The following ATXN1 variants were observed in gnomAD, a reference collection of about 807,000 sequenced individuals.
The protein encoded by ATXN1 is ataxin 1.
A neutral mutation model predicts 56.4 loss-of-function variants in ATXN1; 8 were observed. That is an observed-to-expected ratio of 0.14 (90% CI 0.08 to 0.26). ATXN1 has a LOEUF of 0.26. Ranked by LOEUF, ATXN1 falls within the 10% of genes least tolerant of loss-of-function variation. The probability of loss-of-function intolerance (pLI) is 1.00; values close to 1 mark genes in which losing one functional copy is unlikely to be tolerated. For synonymous variants in ATXN1, 514 were observed against 494.6 expected (o/e 1.04, Z -0.52); for missense variants, 987 against 1,106.5 (o/e 0.89, Z 1.53).
chr6:16,572,720 C>T (rs187407783), intron 4 of ATXN1, among the ~76,000 whole-genome samples: 2 of 152,302 alleles, frequency 1.3e-5, no homozygotes, highest in Admixed American at 1.3e-4. Context: ...AGGGTGTGCT[C>T]ACTAGGTGAT....
intron 3 of ATXN1, among the ~76,000 whole-genome samples, chr6:16,635,823 G>A (rs1000429806): frequency 4.6e-5 from 7 of 152,116 alleles, no homozygotes; most frequent in Non-Finnish European, 1.0e-4. Flanking sequence ...AGCAGGTGTG[G>A]GCTGGGGAGG....
chr6:16,716,005 C>T (rs1017393804), intron 2 of ATXN1, among the ~76,000 whole-genome samples: 1 of 152,204 alleles, frequency 6.6e-6, no homozygotes, highest in African/African-American at 2.4e-5. Context: ...TCCTTTGAGA[C>T]AGAGCTCAAA....
At chr6:16,544,446 A>G (rs1184980775) in intron 4 of ATXN1, among the ~76,000 whole-genome samples, 1 of 151,932 alleles carries the variant, frequency 6.6e-6, no homozygotes, top group Non-Finnish European at 1.5e-5. Context: ...TTCCTAAATA[A>G]CTTTTGGGGG....
intron 6 of ATXN1, among the ~76,000 whole-genome samples, chr6:16,358,968 G>A (rs963729187): frequency 1.3e-5 from 2 of 152,196 alleles, no homozygotes; most frequent in Admixed American, 1.3e-4. Flanking sequence ...GCTCCCGGGT[G>A]CAGCTGTGGC....
chr6:16,541,164 G>T (rs1761706852), intron 4 of ATXN1, among the ~76,000 whole-genome samples: 1 of 152,222 alleles, frequency 6.6e-6, no homozygotes, highest in Admixed American at 6.5e-5. Context: ...GCAGCCCACA[G>T]CCTCAAAGTT....
chr6:16,369,472 C>A (rs984207581), intron 6 of ATXN1, among the ~76,000 whole-genome samples: 1 of 152,172 alleles, frequency 6.6e-6, no homozygotes, highest in South Asian at 2.1e-4. Flanking sequence ...TAAAGAAATA[C>A]GCTACAGAAA....
chr6:16,643,927 T>C (rs553268970), intron 3 of ATXN1, among the ~76,000 whole-genome samples: 3 of 152,298 alleles, frequency 2.0e-5, no homozygotes, highest in South Asian at 4.1e-4. Context: ...TAATAAAGTA[T>C]TGATAACAAA....
At chr6:16,325,774 T>C (rs1170131707) in intron 7 of ATXN1, among the ~76,000 whole-genome samples, 2 of 152,160 alleles carry the variant, frequency 1.3e-5, no homozygotes, top group Non-Finnish European at 2.9e-5. Context: ...ATATATATGT[T>C]GGAGACCGGG....
At chr6:16,557,048 G>A (rs2113734297) in intron 4 of ATXN1, among the ~76,000 whole-genome samples, 1 of 152,308 alleles carries the variant, frequency 6.6e-6, no homozygotes, top group South Asian at 2.1e-4. Flanking sequence ...AGAGGGCTGG[G>A]TGCAGTGGCT....
At chr6:16,723,792 TA>T (rs57611705) in intron 2 of ATXN1, among the ~76,000 whole-genome samples, 42,637 of 151,910 alleles carry the variant, frequency 0.28, 6,164 homozygotes, top group East Asian at 0.39. Context: ...CAAAAGCCAT[TA>T]AAAAAATAGC....
intron 3 of ATXN1, among the ~76,000 whole-genome samples, chr6:16,645,726 G>C (rs1763788717): frequency 6.6e-6 from 1 of 152,204 alleles, no homozygotes; most frequent in Non-Finnish European, 1.5e-5. Context: ...GGGATCAAAT[G>C]AGATGAAACA....
chr6:16,730,651 G>C (rs1413201963), intron 2 of ATXN1, among the ~76,000 whole-genome samples: 1 of 151,906 alleles, frequency 6.6e-6, no homozygotes, highest in African/African-American at 2.4e-5. Context: ...TTTAGGAATA[G>C]CACCCTGCCT....
intron 6 of ATXN1, among the ~76,000 whole-genome samples, chr6:16,480,151 C>T (rs1360748069): frequency 7.4e-5 from 3 of 40,672 alleles, no homozygotes; most frequent in Non-Finnish European, 1.5e-4. Flanking sequence ...GAGACTTCAT[C>T]TGCAAAAAAA....
At chr6:16,525,253 A>G (rs181908616) in intron 4 of ATXN1, among the ~76,000 whole-genome samples, 2 of 152,238 alleles carry the variant, frequency 1.3e-5, no homozygotes, top group Non-Finnish European at 2.9e-5. Flanking sequence ...TACAATAGCT[A>G]AGATTTGGAA....
chr6:16,301,773 A>G lies in ATXN1; in HGVS notation c.*4556T>C, dbSNP rs942653079. On this transcript the variant is annotated 3_prime_UTR_variant, in exon 8 of 8. Coordinates refer to ENST00000436367, the MANE Select transcript of ATXN1 (RefSeq NM_001128164.2). Reference sequence around the variant, plus strand: ...CATGAAACAGTAGCCATGACAACCAACACAGCTCAAGAAGCCCGGCCTTCG... The same window carrying G: ...CATGAAACAGTAGCCATGACAACCAGCACAGCTCAAGAAGCCCGGCCTTCG... 6.5e-6 allele frequency: 1 copy of G among 152,684 alleles called. No individual in the cohort carries two copies. The highest frequency in any genetic ancestry group is 2.4e-5 in the African/African-American group (1 of 41,458). The allele number at this position is 152,684 out of a possible 1,614,324, so 9.5% of individuals were successfully genotyped here. A position where few individuals can be genotyped will look rare whatever the true frequency, so the allele number is the denominator to read the frequency against.
At chr6:16,509,840 CT>C (rs548490050) in intron 5 of ATXN1, among the ~76,000 whole-genome samples, 218 of 152,276 alleles carry the variant, frequency 1.4e-3, no homozygotes, top group African/African-American at 4.9e-3. Flanking sequence ...TTCCACTTAC[CT>C]TCCCAACTGT....
chr6:16,395,270 C>CAAAAAAAA lies in ATXN1; in HGVS notation c.-160-66808_-160-66801dup, dbSNP rs748314030. Among the ~76,000 whole-genome samples, 167 of 48,418 alleles carry CAAAAAAAA rather than the reference C, an allele frequency of 3.4e-3. 5 individuals are homozygous for CAAAAAAAA. Among genetic ancestry groups the CAAAAAAAA allele is most frequent in the African/African-American group, 0.013 (146 of 11,038 alleles). 31.8% of individuals were successfully genotyped at this position (48,418 alleles called of 152,430 possible). A position where few individuals can be genotyped will look rare whatever the true frequency, so the allele number is the denominator to read the frequency against. On this transcript the variant is annotated intron_variant, in intron 6 of 7. Coordinates refer to ENST00000436367, the MANE Select transcript of ATXN1 (RefSeq NM_001128164.2). ...GGCCAACAAGAGCGAAACTCCGTCT[C>CAAAAAAAA]AAAAAAAAAAAAAAAAAAAAACAAG...
chr6:16,757,301 C>T (rs904521098), intron 1 of ATXN1, among the ~76,000 whole-genome samples: 1 of 152,208 alleles, frequency 6.6e-6, no homozygotes, highest in African/African-American at 2.4e-5. Flanking sequence ...CCACCAGGTA[C>T]ATTTTTTTAT....
At chr6:16,533,868 C>T (rs1235286237) in intron 4 of ATXN1, among the ~76,000 whole-genome samples, 1 of 152,136 alleles carries the variant, frequency 6.6e-6, no homozygotes, top group Non-Finnish European at 1.5e-5. Context: ...TGGAAACTGT[C>T]CCTATTTGCA....
Sources: gnomAD v4.1 joint callset for allele counts (sites outside exome capture counted in the v4.1 genomes callset) on GRCh38, gnomAD v4.1.1 for gene constraint, MANE v1.5 for transcripts, NCBI Gene and HGNC (gene_info 2026-07-23, HGNC 2026-07-21) for gene names.